MYT1L: variants seen among roughly 807,000 people sequenced by gnomAD.
MYT1L encodes myelin transcription factor 1-like protein.
Under a neutral mutation model 126.7 loss-of-function variants are expected in MYT1L, and 12 were observed. That is an observed-to-expected ratio of 0.09 (90% CI 0.06 to 0.15). The LOEUF (loss-of-function observed/expected upper bound fraction) is 0.15, where lower values mean the gene tolerates loss of function less well. Ranked by LOEUF, MYT1L falls within the 10% of genes least tolerant of loss-of-function variation. The pLI is 1.00. For missense variants in MYT1L, 979 were observed against 1,585.2 expected (o/e 0.62, Z 6.49); for synonymous variants, 541 against 604.2 (o/e 0.90, Z 1.53).
chr2:2,264,962 G>T (rs550427593), intron 2 of MYT1L, among the ~76,000 whole-genome samples: 9 of 152,244 alleles, frequency 5.9e-5, no homozygotes, highest in Non-Finnish European at 1.2e-4. Context: ...CGAGACTTGG[G>T]TTCAAATTCC....
At chr2:2,031,843 T>A (rs2066321097) in intron 4 of MYT1L, among the ~76,000 whole-genome samples, 1 of 119,828 alleles carries the variant, frequency 8.3e-6, no homozygotes, top group African/African-American at 3.5e-5. Context: ...CACACACCCC[T>A]CGCCAGTGCC....
intron 9 of MYT1L, among the ~76,000 whole-genome samples, chr2:1,942,003 C>T (rs1301525203): frequency 1.3e-5 from 2 of 152,172 alleles, no homozygotes; most frequent in East Asian, 3.9e-4. Context: ...AACAACTACC[C>T]TTTGTGTCCA....
chr2:1,865,580 CCTT>C (rs916844096), intron 18 of MYT1L, among the ~76,000 whole-genome samples: 5 of 152,120 alleles, frequency 3.3e-5, no homozygotes, highest in Admixed American at 6.5e-5. Context: ...AGCTCCCCCT[CCTT>C]GTTTTTTTTC....
chr2:1,954,276 C>T (rs569951802), intron 8 of MYT1L, among the ~76,000 whole-genome samples: 1 of 152,332 alleles, frequency 6.6e-6, no homozygotes, highest in African/African-American at 2.4e-5. Flanking sequence ...TGCGTAGCCA[C>T]TGCTGCTGGC....
chr2:2,205,582 T>C (rs1285491568), intron 2 of MYT1L, among the ~76,000 whole-genome samples: 1 of 152,158 alleles, frequency 6.6e-6, no homozygotes, highest in African/African-American at 2.4e-5. Flanking sequence ...TCTTTAGGCT[T>C]TATCTATTTC....
At chr2:2,131,266 G>A (rs746156229) in intron 3 of MYT1L, among the ~76,000 whole-genome samples, 2 of 152,170 alleles carry the variant, frequency 1.3e-5, no homozygotes, top group Non-Finnish European at 2.9e-5. Context: ...ATTACTTAGG[G>A]GACTTGGAGG....
intron 2 of MYT1L, among the ~76,000 whole-genome samples, chr2:2,180,295 G>T (rs998218772): frequency 1.3e-5 from 2 of 151,524 alleles, no homozygotes; most frequent in African/African-American, 2.4e-5. Context: ...CATTTGTTTA[G>T]CATAGTCCTT....
intron 2 of MYT1L, among the ~76,000 whole-genome samples, chr2:2,274,059 C>A (rs1244495995): frequency 6.6e-6 from 1 of 151,832 alleles, no homozygotes; most frequent in East Asian, 1.9e-4. Flanking sequence ...GAAAGGTAGG[C>A]ACAAAGAAGG....
At chr2:2,025,576 G>C (rs1003226024) in intron 4 of MYT1L, among the ~76,000 whole-genome samples, 1 of 152,226 alleles carries the variant, frequency 6.6e-6, no homozygotes, top group Non-Finnish European at 1.5e-5. Context: ...GAATAGTGTA[G>C]GGGAACTTCT....
intron 3 of MYT1L, among the ~76,000 whole-genome samples, chr2:2,140,940 A>G (rs2083887416): frequency 6.6e-6 from 1 of 152,200 alleles, no homozygotes; most frequent in African/African-American, 2.4e-5. Context: ...ATTATCAAAT[A>G]CTTTTTTTTA....
chr2:2,176,433 T>C (rs566726545), intron 2 of MYT1L, among the ~76,000 whole-genome samples: 4 of 152,244 alleles, frequency 2.6e-5, no homozygotes, highest in African/African-American at 9.6e-5. Context: ...CTACCTCCCA[T>C]ACACGGACAT....
Position 1,956,440 on chromosome 2 carries a change from A to AT in MYT1L, c.153-13107_153-13106insA, listed in dbSNP as rs766054389. On this transcript the variant is annotated intron_variant, in intron 8 of 24. Coordinates refer to ENST00000647738, the MANE Select transcript of MYT1L (RefSeq NM_001303052.2). ...TATCTATCTATCTATCTATCTATCT[A>AT]CCTATCATCTATCTATCCTATTCTA... 4.9e-3 allele frequency among the ~76,000 whole-genome samples: 503 copies of AT among 103,216 alleles called. 15 individuals are homozygous for AT. The highest frequency in any genetic ancestry group is 0.015 in the East Asian group (34 of 2,200). 67.7% of individuals were successfully genotyped at this position (103,216 alleles called of 152,430 possible).
At chr2:2,242,064 G>A (rs962005024) in intron 2 of MYT1L, among the ~76,000 whole-genome samples, 2 of 152,050 alleles carry the variant, frequency 1.3e-5, no homozygotes, top group Non-Finnish European at 2.9e-5. Context: ...GAAGGAGGAG[G>A]AAGGCAGGCA....
intron 18 of MYT1L, among the ~76,000 whole-genome samples, chr2:1,875,795 G>A (rs552672364): frequency 6.6e-6 from 1 of 152,256 alleles, no homozygotes; most frequent in Non-Finnish European, 1.5e-5. Context: ...CTAAGCCTCG[G>A]CCTGCTTTGT....
At position 1,917,177 on chromosome 2, in the gene MYT1L, C is replaced by T. The variant is rs539095341; in HGVS notation, c.1618+28G>A. ...ACAGAGTCATGGGTGTTTGCACCCC[C>T]AAGGGTAGCGGTGAGACGTGGACTT... On this transcript the variant is annotated intron_variant, in intron 11 of 24. Coordinates refer to ENST00000647738, the MANE Select transcript of MYT1L (RefSeq NM_001303052.2). The surrounding 1 kb of genome is among the most constrained non-coding windows in gnomAD (Gnocchi z 5.9). 118 of 1,603,714 alleles carry T rather than the reference C, an allele frequency of 7.4e-5. No individual in the cohort carries two copies. The South Asian group carries it at 1.3e-3, about 17-fold the overall frequency.
chr2:2,214,285 C>T (rs2093616980), intron 2 of MYT1L, among the ~76,000 whole-genome samples: 1 of 151,566 alleles, frequency 6.6e-6, no homozygotes, highest in African/African-American at 2.4e-5. Context: ...ATCTATCTAT[C>T]TATCTATCTA....
chr2:2,058,605 C>A (rs572405246), intron 3 of MYT1L, among the ~76,000 whole-genome samples: 17 of 152,264 alleles, frequency 1.1e-4, no homozygotes, highest in African/African-American at 3.6e-4. Flanking sequence ...TAATGATCAA[C>A]AAATTTATGC....
intron 2 of MYT1L, among the ~76,000 whole-genome samples, chr2:2,264,878 C>T (rs1480511703): frequency 6.6e-6 from 1 of 151,996 alleles, no homozygotes; most frequent in African/African-American, 2.4e-5. Flanking sequence ...TGGCAAAATA[C>T]CAGAATGAAT....
At chr2:2,286,527 C>T (rs1457535849) in intron 1 of MYT1L, among the ~76,000 whole-genome samples, 1 of 152,098 alleles carries the variant, frequency 6.6e-6, no homozygotes, top group Non-Finnish European at 1.5e-5. Context: ...AAACATAGAA[C>T]CCATTAGTAA....
Sources: gnomAD v4.1 joint callset for allele counts (sites outside exome capture counted in the v4.1 genomes callset) on GRCh38, gnomAD v4.1.1 for gene constraint, Gnocchi (gnomAD v3.1) non-coding constraint, MANE v1.5 for transcripts, NCBI Gene and HGNC (gene_info 2026-07-23, HGNC 2026-07-21) for gene names.